Variants in MYO15A observed in about 807,000 individuals in gnomAD.
MYO15A encodes the protein unconventional myosin-XV.
MYO15A carries 308 observed loss-of-function variants against 394.6 expected under a neutral mutation model. The observed-to-expected ratio is 0.78, with a 90% CI of 0.71 to 0.86. The LOEUF (loss-of-function observed/expected upper bound fraction) is 0.86. MYO15A is among the 40% of genes least tolerant of loss of function. The pLI is 0.00. For synonymous variants in MYO15A, 1,957 were observed against 2,003.8 expected, an observed-to-expected ratio of 0.98 and a Z score of 0.62; for missense variants, 4,606 against 4,799.1, an observed-to-expected ratio of 0.96 and a Z score of 1.19.
chr17:18,174,964 G>A, intron 65 of MYO15A, among the ~76,000 whole-genome samples: 1 of 152,142 alleles, frequency 6.6e-6, no homozygotes. Context: ...CTTGGGTCTA[G>A]GGTCCTAATG....
rs769768100 is a variant in MYO15A at position 18,137,625 on chromosome 17, C to A, written c.4821C>A (p.Tyr1607Ter). ...GCTTTGAGCAGCTGTGTATTAACTA[C>A]GCAAACGAGAACCTTCAGTACCTTT... ...FNSFEQLCIN[Y>*]ANENLQYLFN... is the part of the protein sequence containing the mutation. The change falls in exon 16 of 66, where the codon TAC (tyrosine) becomes TAA (stop). Residue 1607 changes from tyrosine (Y) to a stop codon, truncating the protein, a stop_gained. Coordinates refer to ENST00000647165, the MANE Select transcript of MYO15A (RefSeq NM_016239.4). LOFTEE classifies it high-confidence loss of function. 1.2e-6 allele frequency: 2 copies of A among 1,614,162 alleles called. No homozygotes were observed. The highest frequency in any genetic ancestry group is 1.7e-6 in the Non-Finnish European group (2 of 1,180,026).
Position 18,142,778 on chromosome 17 carries a change from A to C in MYO15A, c.5848A>C (p.Arg1950=). The change falls in exon 25 of 66, where the codon AGG becomes CGG. Residue 1950 remains arginine (R), a synonymous_variant. Coordinates refer to ENST00000647165, the MANE Select transcript of MYO15A (RefSeq NM_016239.4). ...CAGGCAACGCTATCAGCAGATGAGG[A>C]GGAGTCTGGTGAAGTTCCGGTCCCT... The part of the protein sequence containing the change: ...LARQRYQQMR[R]SLVKFRSLVH... 1.2e-6 allele frequency: 2 copies of C among 1,613,700 alleles called. No homozygotes were observed. The highest frequency in any genetic ancestry group is 1.3e-5 in the African/African-American group (1 of 75,012).
At chr17:18,159,110 C>A in intron 53 of MYO15A, 113 bp downstream of exon 53, 5 of 1,399,662 alleles carry the variant, frequency 3.6e-6, no homozygotes, top group Non-Finnish European at 5.0e-6. Flanking sequence ...TGATTCTCAG[C>A]ACCCTGATTC....
chr17:18,119,544 G>A lies in MYO15A; in HGVS notation c.744G>A (p.Arg248=). The change falls in exon 2 of 66, where the codon CGG becomes CGA. Residue 248 remains arginine, a synonymous_variant. Transcript: ENST00000647165. ...YHRDGDDYYD[R]QSLHRYEEQE... ...GCGACGGCGACGACTACTACGACCGGCAGTCACTCCACCGCTACGAGGAGC... is the reference window on the plus strand; with the variant it reads ...GCGACGGCGACGACTACTACGACCGACAGTCACTCCACCGCTACGAGGAGC... 1.2e-6 allele frequency: 2 copies of A among 1,608,628 alleles called. No individual in the cohort carries two copies.
At chr17:18,161,047 G>A (rs2046767156) in intron 56 of MYO15A, 3 of 600,464 alleles carry the variant, frequency 5.0e-6, no homozygotes, top group East Asian at 3.2e-5. Flanking sequence ...CCTGTTGTGA[G>A]GCAGAGAAGA....
At chr17:18,145,456 G>A (rs1228905626) in intron 29 of MYO15A, among the ~76,000 whole-genome samples, 1 of 152,154 alleles carries the variant, frequency 6.6e-6, no homozygotes. Context: ...GCGCACACTT[G>A]TAATCCCAGC....
intron 1 of MYO15A, among the ~76,000 whole-genome samples, chr17:18,112,176 G>C (rs1212766919): frequency 6.6e-6 from 1 of 152,040 alleles, no homozygotes; most frequent in Admixed American, 6.5e-5. Flanking sequence ...AGGTGCTCTT[G>C]GGCCTGAAGG....
At position 18,118,650 on chromosome 17, in the gene MYO15A, T is replaced by A; in HGVS notation, c.-151T>A. 1 of 1,225,502 alleles carries A rather than the reference T, an allele frequency of 8.2e-7. No homozygotes were observed. The highest frequency in any genetic ancestry group is 1.5e-5 in the South Asian group (1 of 66,870). The allele number at this position is 1,225,502 out of a possible 1,614,324, so 75.9% of individuals were successfully genotyped here. The stretch of plus-strand genomic sequence containing the variant: ...CCCTCCCGGAATCCTGGCTCGGCCC[T>A]CCCCACGCCACCCAGGGCCAGTCGG... On this transcript the variant is annotated 5_prime_UTR_variant, in exon 2 of 66. Transcript: ENST00000647165.
chr17:18,172,452 C>T, intron 64 of MYO15A, 162 bp downstream of exon 64: 1 of 1,144,064 alleles, frequency 8.7e-7, no homozygotes. Context: ...TTGCTTTCCT[C>T]ATCTGGAAAA....
chr17:18,154,451 T>C (rs192576350), intron 44 of MYO15A, among the ~76,000 whole-genome samples: 134 of 152,166 alleles, frequency 8.8e-4, no homozygotes, highest in Non-Finnish European at 1.7e-3. Context: ...CCCCCCTATA[T>C]AGAGTAGGAA....
intron 28 of MYO15A, 134 bp downstream of exon 28, chr17:18,144,134 C>A: frequency 7.0e-7 from 1 of 1,429,038 alleles, no homozygotes; most frequent in Non-Finnish European, 9.6e-7. Context: ...GTTGCTGGAT[C>A]ATAGGGAATC....
intron 60 of MYO15A, 93 bp from the exon 61 acceptor site, chr17:18,166,268 A>T: frequency 6.6e-7 from 1 of 1,522,112 alleles, no homozygotes. Context: ...TCACCTGGGT[A>T]GCAGATTGGG....
intron 19 of MYO15A, 60 bp from the exon 20 acceptor site, chr17:18,140,457 T>G: frequency 6.2e-7 from 1 of 1,610,286 alleles, no homozygotes; most frequent in Non-Finnish European, 8.5e-7. Flanking sequence ...TCTCTCTTCC[T>G]CCTCATTTCG....
intron 12 of MYO15A, 92 bp downstream of exon 12, chr17:18,133,478 C>CTATG: frequency 6.7e-7 from 1 of 1,502,006 alleles, no homozygotes; most frequent in African/African-American, 1.4e-5. Context: ...TCAGATTACA[C>CTATG]TATGCACATA....
Position 18,121,409 on chromosome 17 carries a change from A to C in MYO15A, c.2609A>C (p.His870Pro), listed in dbSNP as rs1311705250. ...CTGAATCTGCCCTCGCGCCTCCCGC[A>C]CACGTGGCGGCGCCTCAGCGAGCCA... ...SSLNLPSRLP[H>P]TWRRLSEPPT... Residue 870 changes from histidine (H) to proline (P), a missense_variant, in exon 2 of 66, where the codon CAC (histidine) becomes CCC (proline). Physicochemically the swap from His to Pro is moderately conservative, Grantham distance 77 (BLOSUM62 -2). Coordinates refer to ENST00000647165, the MANE Select transcript of MYO15A (RefSeq NM_016239.4). This position sits in a 1 kb window ranked among gnomAD's most constrained non-coding sequence, Gnocchi z 5.3. The C allele has an allele frequency of 6.5e-7, 1 of 1,540,318 alleles. No individual in the cohort carries two copies. The highest frequency in any genetic ancestry group is 8.7e-7 in the Non-Finnish European group (1 of 1,145,366).
rs750535004 is a variant in MYO15A, at chr17:18,120,951, C to T, written c.2151C>T (p.Ser717=). The T allele has an allele frequency of 1.7e-5, 25 of 1,480,930 alleles. No homozygotes were observed. Among genetic ancestry groups the T allele is most frequent in the Non-Finnish European group, 2.1e-5 (24 of 1,121,758 alleles). 91.7% of individuals were successfully genotyped at this position (1,480,930 alleles called of 1,614,324 possible). ...ACGTGCCACCGGCGCCGCAGGCCAG[C>T]TGGTGGGCCTTCGTGGAGCCCCCTG... ...PAHVPPAPQA[S]WWAFVEPPAV... The change falls in exon 2 of 66, where the codon AGC becomes AGT. Residue 717 remains serine (S), a synonymous_variant. Coordinates refer to ENST00000647165, the MANE Select transcript of MYO15A (RefSeq NM_016239.4).
intron 1 of MYO15A, among the ~76,000 whole-genome samples, chr17:18,115,958 A>G (rs1000866618): frequency 6.6e-6 from 1 of 151,990 alleles, no homozygotes; most frequent in Non-Finnish European, 1.5e-5. Flanking sequence ...CTGATTTTCC[A>G]TGTTTATTGG....
At chr17:18,143,220 G>A (rs2046413615) in intron 25 of MYO15A, among the ~76,000 whole-genome samples, 1 of 152,220 alleles carries the variant, frequency 6.6e-6, no homozygotes, top group African/African-American at 2.4e-5. Context: ...CCAAAGCAAT[G>A]AAGCAGTAGG....
chr17:18,119,035 G>A lies in MYO15A; in HGVS notation c.235G>A (p.Val79Met), dbSNP rs201749134. 3 of 1,612,466 alleles carry A rather than the reference G, an allele frequency of 1.9e-6. No homozygotes were observed. The East Asian group carries it at 6.7e-5, about 36-fold the overall frequency. ...KTKRKRKART[V>M]LKSTSKLMTQ... ...CAAGCGCAAGAGGAAGGCCCGCACC[G>A]TGCTCAAGTCCACGTCAAAGCTCAT... is the stretch of plus-strand genomic sequence containing the variant. Residue 79 changes from valine to methionine, a missense_variant, in exon 2 of 66, where the codon GTG becomes ATG. Physicochemically the swap from Val to Met is conservative, Grantham distance 21. Transcript: ENST00000647165.
Sources: gnomAD v4.1 joint callset for allele counts (sites outside exome capture counted in the v4.1 genomes callset) on GRCh38, gnomAD v4.1.1 for gene constraint, Gnocchi (gnomAD v3.1) non-coding constraint, MANE v1.5 for transcripts, NCBI Gene and HGNC (gene_info 2026-07-23, HGNC 2026-07-21) for gene names.